The following MYO5B variants were observed in gnomAD, a reference collection of about 807,000 sequenced individuals.
The protein encoded by MYO5B is myosin VB.
In MYO5B, 143 loss-of-function variants were observed where a neutral mutation model predicts 229.3. The ratio of observed to expected loss-of-function variants is 0.62; its 90% CI spans 0.54 to 0.72. The LOEUF (loss-of-function observed/expected upper bound fraction) is 0.72, where lower values mean the gene tolerates loss of function less well. MYO5B is among the 30% of genes least tolerant of loss of function. The probability of loss-of-function intolerance (pLI) is 0.00; values close to 1 mark genes in which losing one functional copy is unlikely to be tolerated. For missense variants in MYO5B, 2,321 were observed against 2,331.0 expected (o/e 1.00, Z 0.09); for synonymous variants, 918 against 885.2 (o/e 1.04, Z -0.66).
At chr18:49,953,971 G>T (rs1040559325) in intron 13 of MYO5B, among the ~76,000 whole-genome samples, 15 of 147,258 alleles carry the variant, frequency 1.0e-4, no homozygotes, top group African/African-American at 3.1e-4. Context: ...GTGTGTATGT[G>T]TGTGTGTATA....
intron 1 of MYO5B, among the ~76,000 whole-genome samples, chr18:50,193,863 G>A (rs913207995): frequency 2.0e-5 from 3 of 152,252 alleles, no homozygotes; most frequent in Non-Finnish European, 4.4e-5. Context: ...GCTGCCGCGA[G>A]CTCCCCTGGA....
intron 18 of MYO5B, among the ~76,000 whole-genome samples, chr18:49,910,987 T>C (rs2024951216): frequency 6.6e-6 from 1 of 152,244 alleles, no homozygotes; most frequent in South Asian, 2.1e-4. Context: ...ATAGCTCCGC[T>C]TCTATAGTTC....
At chr18:49,929,437 G>C (rs1303069369) in intron 17 of MYO5B, 75 bp downstream of exon 17, 2 of 1,233,114 alleles carry the variant, frequency 1.6e-6, no homozygotes. Context: ...ACGGTACACA[G>C]AGGGCTCCCT....
intron 1 of MYO5B, among the ~76,000 whole-genome samples, chr18:50,125,950 C>T (rs186162194): frequency 6.6e-6 from 1 of 152,130 alleles, no homozygotes; most frequent in Admixed American, 6.5e-5. Context: ...CTAGAAGAGG[C>T]AAATCCATAG....
At chr18:49,907,529 C>T (rs1163471497) in intron 18 of MYO5B, among the ~76,000 whole-genome samples, 1 of 152,110 alleles carries the variant, frequency 6.6e-6, no homozygotes, top group Non-Finnish European at 1.5e-5. Context: ...TGACAGAGCT[C>T]TTTGTAAATC....
intron 29 of MYO5B, among the ~76,000 whole-genome samples, chr18:49,859,679 G>A (rs1004707302): frequency 1.6e-4 from 24 of 152,204 alleles, no homozygotes; most frequent in African/African-American, 5.8e-4. Flanking sequence ...TGAAATTACA[G>A]CAGACCCAAA....
chr18:49,980,596 C>A (rs781392146), intron 8 of MYO5B, 43 bp from the exon 9 acceptor site: 5 of 1,415,514 alleles, frequency 3.5e-6, no homozygotes, highest in South Asian at 1.2e-5. Context: ...TATCCATGGT[C>A]GGACAGAAAG....
chr18:49,910,182 A>T (rs1386306729), intron 18 of MYO5B, among the ~76,000 whole-genome samples: 1 of 152,232 alleles, frequency 6.6e-6, no homozygotes, highest in African/African-American at 2.4e-5. Context: ...AGCACATCAC[A>T]GCAGCAGCCC....
chr18:49,949,544 C>T (rs2025410762), intron 14 of MYO5B, among the ~76,000 whole-genome samples: 1 of 152,136 alleles, frequency 6.6e-6, no homozygotes, highest in Non-Finnish European at 1.5e-5. Context: ...TATTTCACTG[C>T]TCGTAGTGGG....
At chr18:49,914,073 C>T (rs2024986451) in intron 17 of MYO5B, among the ~76,000 whole-genome samples, 1 of 152,174 alleles carries the variant, frequency 6.6e-6, no homozygotes, top group African/African-American at 2.4e-5. Flanking sequence ...CTGATTCTTC[C>T]AGGACCCTGT....
chr18:49,857,381 G>C (rs1446100075), intron 29 of MYO5B, among the ~76,000 whole-genome samples: 1 of 152,200 alleles, frequency 6.6e-6, no homozygotes, highest in African/African-American at 2.4e-5. Flanking sequence ...TCATGGTGGG[G>C]AACACATTGC....
At chr18:49,840,032 T>G (rs1158423858) in intron 35 of MYO5B, 2 of 153,508 alleles carry the variant, frequency 1.3e-5, no homozygotes, top group African/African-American at 4.8e-5. Context: ...AAGGGGATAA[T>G]TGTAATGATG....
At chr18:49,965,015 C>G (rs1160601535) in intron 10 of MYO5B, among the ~76,000 whole-genome samples, 1 of 152,194 alleles carries the variant, frequency 6.6e-6, no homozygotes, top group Non-Finnish European at 1.5e-5. Context: ...GACAACCTGA[C>G]CTGCACCTTA....
chr18:50,063,362 T>G (rs1001032194), intron 1 of MYO5B, among the ~76,000 whole-genome samples: 5 of 152,170 alleles, frequency 3.3e-5, no homozygotes, highest in Non-Finnish European at 5.9e-5. Flanking sequence ...AATATCCCAT[T>G]TGCCCAGAGC....
At chr18:49,985,653 T>C (rs990966978) in intron 7 of MYO5B, among the ~76,000 whole-genome samples, 2 of 152,196 alleles carry the variant, frequency 1.3e-5, no homozygotes, top group African/African-American at 2.4e-5. Flanking sequence ...TGATCCTGCC[T>C]GGTACTATCC....
chr18:50,053,883 CT>C, intron 2 of MYO5B, among the ~76,000 whole-genome samples: 1 of 152,320 alleles, frequency 6.6e-6, no homozygotes, highest in East Asian at 1.9e-4. Flanking sequence ...GAAACAGTAT[CT>C]CCAACCCAAA....
chr18:50,077,168 T>TAAAA (rs71169476), intron 1 of MYO5B, among the ~76,000 whole-genome samples: 19 of 81,210 alleles, frequency 2.3e-4, no homozygotes, highest in South Asian at 6.0e-4. Flanking sequence ...TGTGGCAAAG[T>TAAAA]AAAAAAAAAA....
intron 39 of MYO5B, among the ~76,000 whole-genome samples, chr18:49,832,813 T>C (rs550596691): frequency 4.7e-4 from 71 of 152,308 alleles, no homozygotes; most frequent in African/African-American, 1.6e-3. Flanking sequence ...GAGAAAGGTA[T>C]TTAGGGAGGA....
chr18:49,943,110 A>G (rs1413960052), intron 14 of MYO5B, among the ~76,000 whole-genome samples: 1 of 151,616 alleles, frequency 6.6e-6, no homozygotes, highest in Non-Finnish European at 1.5e-5. Context: ...GCAAACTATC[A>G]CAAGGACAAA....
Sources: allele counts gnomAD v4.1 joint callset (sites outside exome capture counted in the v4.1 genomes callset), GRCh38; gene constraint gnomAD v4.1.1; transcripts MANE v1.5; gene names NCBI Gene and HGNC (gene_info 2026-07-23, HGNC 2026-07-21).